The following COG5 variants were observed in gnomAD, a reference collection of about 807,000 sequenced individuals.
COG5 encodes the protein conserved oligomeric Golgi complex subunit 5.
COG5 carries 86 observed loss-of-function variants against 110.4 expected under a neutral mutation model. The ratio of observed to expected loss-of-function variants is 0.78; its 90% CI spans 0.65 to 0.93. COG5 has a LOEUF of 0.93. Among genes scored for constraint, COG5 ranks in the 40% least tolerant of loss-of-function variants. The pLI is 0.00. For synonymous variants in COG5, 360 were observed against 334.6 expected, an observed-to-expected ratio of 1.08 and a Z score of -0.83; for missense variants, 1,077 against 987.0, an observed-to-expected ratio of 1.09 and a Z score of -1.22.
At chr7:107,479,381 C>CA (rs1460292529) in intron 6 of COG5, among the ~76,000 whole-genome samples, 3 of 151,686 alleles carry the variant, frequency 2.0e-5, no homozygotes, top group Non-Finnish European at 4.4e-5. Context: ...AAATGAGCTT[C>CA]AAAAAAACAA....
intron 6 of COG5, among the ~76,000 whole-genome samples, chr7:107,452,189 T>C (rs577953970): frequency 1.3e-4 from 20 of 152,292 alleles, no homozygotes; most frequent in African/African-American, 4.6e-4. Flanking sequence ...ATACTGGACT[T>C]CCCTGTCTCT....
chr7:107,431,854 C>T (rs796496788), intron 6 of COG5, among the ~76,000 whole-genome samples: 13 of 152,242 alleles, frequency 8.5e-5, no homozygotes, highest in African/African-American at 3.1e-4. Context: ...CAATGTCTCA[C>T]TTTGTTGCCT....
intron 8 of COG5, among the ~76,000 whole-genome samples, chr7:107,372,189 C>G (rs1814236849): frequency 6.6e-6 from 1 of 151,980 alleles, no homozygotes; most frequent in Non-Finnish European, 1.5e-5. Context: ...TTCCTGGGTA[C>G]CAGAATTATC....
chr7:107,463,996 T>C (rs1796155210), intron 6 of COG5, among the ~76,000 whole-genome samples: 2 of 152,118 alleles, frequency 1.3e-5, no homozygotes, highest in Admixed American at 6.6e-5. Flanking sequence ...TGAGCATCTC[T>C]ATTCAACAGA....
intron 6 of COG5, among the ~76,000 whole-genome samples, chr7:107,431,687 T>C (rs1383689151): frequency 6.6e-6 from 1 of 152,058 alleles, no homozygotes; most frequent in East Asian, 1.9e-4. Context: ...CCAGGCTGGA[T>C]TGCAATGGCA....
intron 6 of COG5, among the ~76,000 whole-genome samples, chr7:107,524,581 T>C (rs1230579090): frequency 1.3e-5 from 2 of 152,204 alleles, no homozygotes; most frequent in Non-Finnish European, 2.9e-5. Flanking sequence ...AAATTATTAC[T>C]TTTACTCAAA....
At chr7:107,478,139 C>G (rs910974684) in intron 6 of COG5, among the ~76,000 whole-genome samples, 2 of 151,786 alleles carry the variant, frequency 1.3e-5, no homozygotes, top group African/African-American at 4.8e-5. Flanking sequence ...GGGCTTATTC[C>G]GCATAGTATT....
intron 6 of COG5, among the ~76,000 whole-genome samples, chr7:107,437,139 A>T (rs1268938159): frequency 1.3e-5 from 2 of 152,206 alleles, no homozygotes; most frequent in Non-Finnish European, 2.9e-5. Flanking sequence ...CTGAATTAGT[A>T]TGAGTTTCAA....
chr7:107,223,344 T>C (rs1202553379), intron 19 of COG5, among the ~76,000 whole-genome samples: 1 of 152,166 alleles, frequency 6.6e-6, no homozygotes, highest in East Asian at 1.9e-4. Context: ...AGGCCTAGTT[T>C]GTGGCACGAG....
intron 17 of COG5, among the ~76,000 whole-genome samples, chr7:107,237,903 C>T (rs1801325228): frequency 1.3e-5 from 2 of 152,146 alleles, no homozygotes; most frequent in African/African-American, 4.8e-5. Flanking sequence ...TTTGTCACTC[C>T]ACAAGGCCAG....
intron 6 of COG5, among the ~76,000 whole-genome samples, chr7:107,442,821 A>G (rs1315466747): frequency 6.6e-6 from 1 of 152,148 alleles, no homozygotes; most frequent in African/African-American, 2.4e-5. Flanking sequence ...AAACACCAGA[A>G]AGAAAGAACA....
intron 6 of COG5, among the ~76,000 whole-genome samples, chr7:107,422,365 A>G (rs1027810324): frequency 8.5e-5 from 13 of 152,112 alleles, no homozygotes; most frequent in Admixed American, 4.6e-4. Flanking sequence ...CTCTACTACT[A>G]AAAATACAAA....
At chr7:107,355,334 C>T (rs2129043448) in intron 10 of COG5, among the ~76,000 whole-genome samples, 1 of 152,278 alleles carries the variant, frequency 6.6e-6, no homozygotes, top group Non-Finnish European at 1.5e-5. Flanking sequence ...AATGATACAG[C>T]AACTTTCAAA....
At chr7:107,403,385 C>T (rs1386461782) in intron 7 of COG5, among the ~76,000 whole-genome samples, 1 of 151,606 alleles carries the variant, frequency 6.6e-6, no homozygotes, top group Non-Finnish European at 1.5e-5. Context: ...AGAAAGACAC[C>T]CTTTTTTTTT....
intron 18 of COG5, among the ~76,000 whole-genome samples, chr7:107,233,681 A>G (rs1346787005): frequency 1.3e-5 from 2 of 152,142 alleles, no homozygotes; most frequent in African/African-American, 4.8e-5. Flanking sequence ...CCCATGGAGT[A>G]TTTGTGTATT....
At chr7:107,444,368 G>A (rs529246798) in intron 6 of COG5, among the ~76,000 whole-genome samples, 5 of 151,830 alleles carry the variant, frequency 3.3e-5, no homozygotes, top group East Asian at 1.9e-4. Flanking sequence ...TCTTATCATC[G>A]CTCAGAGCAA....
chr7:107,350,800 T>C (rs1480412785), intron 10 of COG5, among the ~76,000 whole-genome samples: 1 of 152,170 alleles, frequency 6.6e-6, no homozygotes, highest in Non-Finnish European at 1.5e-5. Context: ...TTCTTCCATC[T>C]TGCTACATCC....
At chr7:107,442,208 C>A (rs1323844934) in intron 6 of COG5, among the ~76,000 whole-genome samples, 1 of 152,136 alleles carries the variant, frequency 6.6e-6, no homozygotes, top group African/African-American at 2.4e-5. Flanking sequence ...GTGTGCAGCA[C>A]TTTCCCCTTG....
chr7:107,358,543 T>G (rs555003138), intron 10 of COG5, among the ~76,000 whole-genome samples: 2 of 152,314 alleles, frequency 1.3e-5, no homozygotes, highest in South Asian at 4.1e-4. Context: ...GTAGCTATTG[T>G]CAGGAAATCC....
Sources: allele counts gnomAD v4.1 joint callset (sites outside exome capture counted in the v4.1 genomes callset), GRCh38; gene constraint gnomAD v4.1.1; transcripts MANE v1.5; gene names NCBI Gene and HGNC (gene_info 2026-07-23, HGNC 2026-07-21).